The following BRWD1 variants were observed in gnomAD, a reference collection of about 807,000 sequenced individuals.
The protein encoded by BRWD1 is bromodomain and WD repeat-containing protein 1.
Under a neutral mutation model 251.2 loss-of-function variants are expected in BRWD1, and 82 were observed. That is an observed-to-expected ratio of 0.33 (90% CI 0.27 to 0.39). BRWD1 has a LOEUF of 0.39. Among genes scored for constraint, BRWD1 ranks in the 10% least tolerant of loss-of-function variants. The probability of loss-of-function intolerance (pLI) is 1.00; values close to 1 mark genes in which losing one functional copy is unlikely to be tolerated. For missense variants in BRWD1, 2,233 were observed against 2,711.6 expected (o/e 0.82, Z 3.92); for synonymous variants, 918 against 902.8 (o/e 1.02, Z -0.30).
chr21:39,199,135 T>TAGAGTCTTCCTC lies in BRWD1; in HGVS notation c.5269_5280dup (p.Glu1757_Ser1760dup). On this transcript the variant is annotated inframe_insertion, in exon 40 of 41. Coordinates refer to ENST00000342449, the MANE Select transcript of BRWD1 (RefSeq NM_033656.4). The stretch of plus-strand genomic sequence containing the variant: ...CATGCATGATCTGAATCATGACTTT[T>TAGAGTCTTCCTC]AGAGTCTTCCTCAGAAGACTCTATT... The TAGAGTCTTCCTC allele has an allele frequency of 2.5e-6, 4 of 1,614,060 alleles. No individual in the cohort carries two copies. The highest frequency in any genetic ancestry group is 3.4e-6 in the Non-Finnish European group (4 of 1,180,010).
intron 8 of BRWD1, among the ~76,000 whole-genome samples, chr21:39,291,369 ATAAAAGCCTTACAAATCATCTAACAAT>A (rs1216601783): frequency 6.6e-6 from 1 of 152,188 alleles, no homozygotes; most frequent in African/African-American, 2.4e-5. Context: ...CAAACATAAA[ATAAAAGCCTTACAAATCATCTAACAAT>A]TTACTTCAGT....
At position 39,196,817 on chromosome 21, in the gene BRWD1, A is replaced by T; in HGVS notation, c.6252T>A (p.Asn2084Lys). The change falls in exon 41 of 41, where the codon AAT (asparagine) becomes AAA (lysine). Residue 2084 changes from asparagine to lysine, a missense_variant. Physicochemically the swap from Asn to Lys is moderately conservative, Grantham distance 94. Coordinates refer to ENST00000342449, the MANE Select transcript of BRWD1 (RefSeq NM_033656.4). ...GCCCATAATTCAGTTCCACTTCAAA[A>T]TTATTCTCTGCAGTAGCTTTTTGTG... is the stretch of plus-strand genomic sequence containing the variant. ...TLAQKATAEN[N>K]FEVELNYGLR... The T allele has an allele frequency of 6.2e-7, 1 of 1,613,374 alleles. No individual in the cohort carries two copies. Among genetic ancestry groups the T allele is most frequent in the South Asian group, 1.1e-5 (1 of 91,076 alleles).
At chr21:39,214,043 G>T (rs532722507) in intron 32 of BRWD1, among the ~76,000 whole-genome samples, 1 of 152,106 alleles carries the variant, frequency 6.6e-6, no homozygotes, top group South Asian at 2.1e-4. Context: ...AGACAAAAAT[G>T]GGTAGATAAT....
At chr21:39,225,043 A>G in intron 28 of BRWD1, 43 bp downstream of exon 28, 1 of 1,338,818 alleles carries the variant, frequency 7.5e-7, no homozygotes, top group East Asian at 2.3e-5. Flanking sequence ...AACCTGCCAC[A>G]CTGAATTACT....
chr21:39,184,480 A>T (rs2031096450), downstream of BRWD1: 1 of 152,182 alleles, frequency 6.6e-6, no homozygotes, highest in Admixed American at 6.5e-5. Flanking sequence ...GCAATGAAAA[A>T]ACCGTTTCCT....
intron 29 of BRWD1, among the ~76,000 whole-genome samples, chr21:39,220,625 GATTT>G (rs767242885): frequency 1.2e-4 from 18 of 152,156 alleles, no homozygotes; most frequent in South Asian, 2.1e-4. Flanking sequence ...ATAATGAAGA[GATTT>G]ATTAATCAAC....
At chr21:39,208,655 T>C (rs576348160) in intron 36 of BRWD1, among the ~76,000 whole-genome samples, 2 of 152,186 alleles carry the variant, frequency 1.3e-5, no homozygotes, top group East Asian at 3.9e-4. Flanking sequence ...CAGGTTCAAG[T>C]GGCTCTCATG....
upstream of BRWD1, chr21:39,313,745 CG>C (rs2036613599): frequency 2.6e-6 from 1 of 387,406 alleles, no homozygotes; most frequent in South Asian, 3.8e-5. Flanking sequence ...GTGTCCCGCC[CG>C]GGGAGGCGAA....
chr21:39,279,668 A>AT (rs2035395026), intron 9 of BRWD1, among the ~76,000 whole-genome samples: 1 of 148,662 alleles, frequency 6.7e-6, no homozygotes, highest in South Asian at 2.1e-4. Flanking sequence ...AAAAAAAAAA[A>AT]GAAAACGAAA....
chr21:39,251,939 TG>T (rs1347385260), intron 19 of BRWD1, among the ~76,000 whole-genome samples: 1 of 152,054 alleles, frequency 6.6e-6, no homozygotes, highest in Non-Finnish European at 1.5e-5. Context: ...CTAAGAAAAG[TG>T]GTATTAGCAA....
intron 21 of BRWD1, among the ~76,000 whole-genome samples, 165 bp from the exon 22 acceptor site, chr21:39,238,738 A>G (rs2033895002): frequency 6.6e-6 from 1 of 152,236 alleles, no homozygotes; most frequent in Admixed American, 6.5e-5. Flanking sequence ...AAACTTCTTC[A>G]CTACATCCCT....
At chr21:39,205,039 A>C (rs146181089) in intron 37 of BRWD1, among the ~76,000 whole-genome samples, 1 of 152,350 alleles carries the variant, frequency 6.6e-6, no homozygotes, top group Non-Finnish European at 1.5e-5. Context: ...AAAATCTATA[A>C]TTTTACATAT....
Position 39,270,323 on chromosome 21 carries a change from A to G in BRWD1, c.1355T>C (p.Val452Ala). 6.2e-7 allele frequency: 1 copy of G among 1,610,062 alleles called. No individual in the cohort carries two copies. The highest frequency in any genetic ancestry group is 8.5e-7 in the Non-Finnish European group (1 of 1,178,538). The change falls in exon 14 of 41, where the codon GTG (valine) becomes GCG (alanine). Residue 452 changes from valine to alanine, a missense_variant. By Grantham distance (64) the Val-to-Ala change is moderately conservative (BLOSUM62 0). Coordinates refer to ENST00000342449, the MANE Select transcript of BRWD1 (RefSeq NM_033656.4). ...VTAVNDHVLK[V>A]WNSYTGQLLH... is the part of the protein sequence containing the mutation. ...CAGTTGTCCAGTGTAAGAATTCCAC[A>G]CTTTGAGGACATGATCATTCACAGC...
chr21:39,188,773 C>T lies in BRWD1; in HGVS notation c.*7486G>A, dbSNP rs1020123642. 3 of 985,296 alleles carry T rather than the reference C, an allele frequency of 3.0e-6. No individual in the cohort carries two copies. The highest frequency in any genetic ancestry group is 3.6e-6 in the Non-Finnish European group (3 of 829,926). 61.0% of individuals were successfully genotyped at this position (985,296 alleles called of 1,614,324 possible). A position where few individuals can be genotyped will look rare whatever the true frequency, so the allele number is the denominator to read the frequency against. On this transcript the variant is annotated 3_prime_UTR_variant, in exon 41 of 41. Coordinates refer to ENST00000342449, the MANE Select transcript of BRWD1 (RefSeq NM_033656.4). ...AGGTTAGGAAATACTTTATTCAAAG[C>T]AACCCCACCACATACACATCAGTTC...
At chr21:39,318,101 T>G (rs2036716128), upstream of BRWD1, among the ~76,000 whole-genome samples, 1 of 151,934 alleles carries the variant, frequency 6.6e-6, no homozygotes, top group South Asian at 2.1e-4. Context: ...TGCCTAAAAA[T>G]GGAAAGCTTT....
At position 39,199,007 on chromosome 21, in the gene BRWD1, G is replaced by T; in HGVS notation, c.5409C>A (p.Tyr1803Ter). Residue 1803 changes from tyrosine to a stop codon, truncating the protein, a stop_gained, in exon 40 of 41, where the codon TAC becomes TAA. Transcript: ENST00000342449. LOFTEE classifies it high-confidence loss of function. The part of the protein sequence containing the change: ...SEPGRSGGRK[Y>*]NTFHKNASFF... Reference sequence around the variant, plus strand: ...AACTCGCATTCTTGTGAAATGTATTGTATTTCCTACCACCAGATCTTCCTG... The same window carrying T: ...AACTCGCATTCTTGTGAAATGTATTTTATTTCCTACCACCAGATCTTCCTG... 6.2e-7 allele frequency: 1 copy of T among 1,614,038 alleles called. No individual in the cohort carries two copies.
chr21:39,301,161 A>G (rs1039738672), intron 4 of BRWD1, among the ~76,000 whole-genome samples: 2 of 151,120 alleles, frequency 1.3e-5, no homozygotes, highest in Non-Finnish European at 2.9e-5. Context: ...CCTGGGTGAC[A>G]GAGCAAGGCT....
At chr21:39,272,711 G>GCC in intron 13 of BRWD1, among the ~76,000 whole-genome samples, 1 of 150,446 alleles carries the variant, frequency 6.6e-6, no homozygotes, top group Non-Finnish European at 1.5e-5. Flanking sequence ...GGGTTCAACT[G>GCC]ATTCTCCTGC....
intron 17 of BRWD1, among the ~76,000 whole-genome samples, chr21:39,258,996 T>G (rs1160413363): frequency 6.6e-6 from 1 of 152,200 alleles, no homozygotes; most frequent in African/African-American, 2.4e-5. Flanking sequence ...CTCGATATAT[T>G]TCACTAAAAT....
Sources: allele counts gnomAD v4.1 joint callset (sites outside exome capture counted in the v4.1 genomes callset), GRCh38; gene constraint gnomAD v4.1.1; transcripts MANE v1.5; gene names NCBI Gene and HGNC (gene_info 2026-07-23, HGNC 2026-07-21).